The following GADL1 variants were observed in gnomAD, a reference collection of about 807,000 sequenced individuals.
The protein encoded by GADL1 is GAD like acidic amino acid decarboxylase 1, also known as acidic amino acid decarboxylase GADL1.
In GADL1, 71 loss-of-function variants were observed where a neutral mutation model predicts 69.5. The ratio of observed to expected loss-of-function variants is 1.02; its 90% CI spans 0.84 to 1.25. The LOEUF (loss-of-function observed/expected upper bound fraction) is 1.25. GADL1 is among the 50% of genes most tolerant of loss of function. The probability of loss-of-function intolerance (pLI) is 0.00; values close to 1 mark genes in which losing one functional copy is unlikely to be tolerated. For missense variants in GADL1, 737 were observed against 631.8 expected (o/e 1.17, Z -1.79); for synonymous variants, 254 against 214.4 (o/e 1.18, Z -1.62).
chr3:30,749,048 C>A (rs578174073), intron 14 of GADL1, among the ~76,000 whole-genome samples: 1 of 152,194 alleles, frequency 6.6e-6, no homozygotes, highest in Non-Finnish European at 1.5e-5. Flanking sequence ...ATTCCCGAAT[C>A]AATCTTGCCT....
In GADL1 at chr3:30,728,267, A is replaced by G. The variant is rs376402669; in HGVS notation, c.1541T>C (p.Ile514Thr). Residue 514 changes from isoleucine to threonine, a missense_variant, in exon 15 of 15, where the codon ATA becomes ACA. Transcript: ENST00000282538. ...CTACATGTCTTTACCCAGTAAGTCT[A>G]TCTCATCCAGGAGGAAGTCCATGTC... Reference protein sequence around the residue: ...REDMDFLLDEIDLLGKDM With the variant: ...REDMDFLLDETDLLGKDM 2.0e-5 allele frequency: 32 copies of G among 1,613,662 alleles called. No homozygotes were observed. The African/African-American group carries it at 3.5e-4, about 18-fold the overall frequency.
intron 2 of GADL1, 73 bp from the exon 3 acceptor site, chr3:30,857,214 C>T (rs1698242883): frequency 1.5e-6 from 2 of 1,309,040 alleles, no homozygotes; most frequent in Non-Finnish European, 2.1e-6. Flanking sequence ...CAAACGTGGA[C>T]TCTACCATTA....
At chr3:30,753,793 T>C (rs1037520961) in intron 14 of GADL1, among the ~76,000 whole-genome samples, 6 of 152,206 alleles carry the variant, frequency 3.9e-5, no homozygotes, top group Admixed American at 3.3e-4. Flanking sequence ...GCAAGATTTA[T>C]CTAATTCATA....
chr3:30,830,886 C>T (rs1697777030), intron 11 of GADL1, among the ~76,000 whole-genome samples: 1 of 151,954 alleles, frequency 6.6e-6, no homozygotes, highest in Non-Finnish European at 1.5e-5. Flanking sequence ...TAAATGGAAT[C>T]ATTCGTTCAG....
intron 3 of GADL1, among the ~76,000 whole-genome samples, chr3:30,856,120 G>A (rs138991878): frequency 5.9e-4 from 90 of 152,112 alleles, no homozygotes; most frequent in African/African-American, 2.0e-3. Flanking sequence ...CTTTTGAAAT[G>A]CTAACTGAGT....
At chr3:30,881,416 A>G (rs1208471455) in intron 1 of GADL1, among the ~76,000 whole-genome samples, 1 of 151,892 alleles carries the variant, frequency 6.6e-6, no homozygotes, top group Non-Finnish European at 1.5e-5. Context: ...TTTTTGGGCT[A>G]AAAAACTAGA....
At chr3:30,751,260 C>A (rs1695807254) in intron 14 of GADL1, among the ~76,000 whole-genome samples, 1 of 151,972 alleles carries the variant, frequency 6.6e-6, no homozygotes. Flanking sequence ...TTGGAGGCCT[C>A]TAAAGGGCAC....
intron 9 of GADL1, among the ~76,000 whole-genome samples, chr3:30,835,216 T>C (rs1175567952): frequency 6.6e-6 from 1 of 152,024 alleles, no homozygotes; most frequent in Non-Finnish European, 1.5e-5. Context: ...CATGTTAACA[T>C]CATTACTTAA....
chr3:30,836,924 T>C (rs1343187107), intron 9 of GADL1, among the ~76,000 whole-genome samples: 2 of 150,540 alleles, frequency 1.3e-5, no homozygotes, highest in South Asian at 2.2e-4. Context: ...TCTTATTCGG[T>C]TGTTTAAAAA....
At chr3:30,830,585 C>A (rs1494732) in intron 11 of GADL1, among the ~76,000 whole-genome samples, 54,973 of 151,616 alleles carry the variant, frequency 0.36, 13,748 homozygotes, top group African/African-American at 0.67. Flanking sequence ...TCTAATCTCT[C>A]AATGCTAAAG....
chr3:30,726,876 A>G lies in GADL1; in HGVS notation c.*1366T>C, dbSNP rs1185431098. On this transcript the variant is annotated 3_prime_UTR_variant, in exon 15 of 15. Coordinates refer to ENST00000282538, the MANE Select transcript of GADL1 (RefSeq NM_207359.3). ...AATTAAAATCACCCACTCTCAGGAG[A>G]AATGGAGGAAGCATTTACACTGAAA... 6.6e-6 allele frequency: 1 copy of G among 152,424 alleles called. No homozygotes were observed. The highest frequency in any genetic ancestry group is 2.4e-5 in the African/African-American group (1 of 41,380). The allele number at this position is 152,424 out of a possible 1,614,324, so 9.4% of individuals were successfully genotyped here. A position where few individuals can be genotyped will look rare whatever the true frequency, so the allele number is the denominator to read the frequency against.
chr3:30,791,558 C>T (rs1696916152), intron 12 of GADL1, among the ~76,000 whole-genome samples: 1 of 152,152 alleles, frequency 6.6e-6, no homozygotes, highest in Non-Finnish European at 1.5e-5. Flanking sequence ...GCTTGTCAAA[C>T]TGGCTAAATG....
At chr3:30,758,830 A>G (rs956452902) in intron 14 of GADL1, among the ~76,000 whole-genome samples, 3 of 152,236 alleles carry the variant, frequency 2.0e-5, no homozygotes, top group Admixed American at 6.5e-5. Context: ...AGCACTTTGT[A>G]AAAGCTGGTA....
intron 12 of GADL1, among the ~76,000 whole-genome samples, chr3:30,789,061 C>A (rs59613104): frequency 0.14 from 21,710 of 152,082 alleles, 3,939 homozygotes; most frequent in African/African-American, 0.42. Flanking sequence ...AAAGGGTAAA[C>A]CCATAAAATT....
At chr3:30,774,121 C>T (rs1048848655) in intron 14 of GADL1, among the ~76,000 whole-genome samples, 4 of 152,084 alleles carry the variant, frequency 2.6e-5, no homozygotes, top group African/African-American at 9.7e-5. Context: ...GTACAACATT[C>T]CTAGGGAATA....
chr3:30,889,099 A>T (rs1698749803), intron 1 of GADL1, among the ~76,000 whole-genome samples: 1 of 148,304 alleles, frequency 6.7e-6, no homozygotes, highest in African/African-American at 2.5e-5. Context: ...AAAAAAAAAA[A>T]AAAAAAAAAA....
chr3:30,832,259 A>G (rs1697804560), intron 11 of GADL1, among the ~76,000 whole-genome samples: 1 of 151,844 alleles, frequency 6.6e-6, no homozygotes, highest in South Asian at 2.1e-4. Context: ...CACAGTGAAT[A>G]GAATTCCCCT....
chr3:30,764,626 C>G (rs1160539265), intron 14 of GADL1, among the ~76,000 whole-genome samples: 3 of 152,188 alleles, frequency 2.0e-5, no homozygotes, highest in African/African-American at 7.2e-5. Flanking sequence ...ACAATAGATG[C>G]TCAATAAATA....
intron 14 of GADL1, among the ~76,000 whole-genome samples, chr3:30,752,947 GTTT>G (rs897812936): frequency 9.2e-5 from 14 of 151,918 alleles, no homozygotes; most frequent in African/African-American, 2.9e-4. Context: ...CACAATCCTC[GTTT>G]TTTAACTTGG....
Sources: allele counts gnomAD v4.1 joint callset (sites outside exome capture counted in the v4.1 genomes callset), GRCh38; gene constraint gnomAD v4.1.1; transcripts MANE v1.5; gene names NCBI Gene and HGNC (gene_info 2026-07-23, HGNC 2026-07-21).